The following MREG variants were observed in gnomAD, a reference collection of about 807,000 sequenced individuals.
MREG encodes dilute suppressor protein homolog.
In MREG, 31 loss-of-function variants were observed where a neutral mutation model predicts 28.5. The ratio of observed to expected loss-of-function variants is 1.09; its 90% CI spans 0.82 to 1.47. The LOEUF (loss-of-function observed/expected upper bound fraction) is 1.47. MREG is among the 40% of genes most tolerant of loss of function. The pLI, the probability that MREG is intolerant of heterozygous loss-of-function variation, is 0.00. For missense variants in MREG, 256 were observed against 257.4 expected (o/e 0.99, Z 0.04); for synonymous variants, 106 against 95.2 (o/e 1.11, Z -0.66).
intron 2 of MREG, among the ~76,000 whole-genome samples, chr2:215,971,386 A>G (rs1281495684): frequency 6.6e-6 from 1 of 152,230 alleles, no homozygotes; most frequent in African/African-American, 2.4e-5. Flanking sequence ...TCATTCTGAC[A>G]CATGTCAGCA....
chr2:215,957,559 G>A (rs1428110717), intron 2 of MREG, among the ~76,000 whole-genome samples: 1 of 152,182 alleles, frequency 6.6e-6, no homozygotes, highest in African/African-American at 2.4e-5. Flanking sequence ...GAGATTCTAA[G>A]GACTGAGGAG....
chr2:216,000,957 G>A (rs1209479475), intron 1 of MREG, among the ~76,000 whole-genome samples: 1 of 151,992 alleles, frequency 6.6e-6, no homozygotes, highest in Non-Finnish European at 1.5e-5. Flanking sequence ...TGCCTCCCTG[G>A]CCAATTCCCA....
intron 2 of MREG, among the ~76,000 whole-genome samples, chr2:215,991,581 CA>C (rs796910904): frequency 1.8e-3 from 224 of 122,496 alleles, no homozygotes; most frequent in African/African-American, 4.5e-3. Context: ...AAAAACCGTT[CA>C]AAAAAAAAAA....
At chr2:215,993,248 G>C (rs183963692) in intron 2 of MREG, among the ~76,000 whole-genome samples, 1 of 152,182 alleles carries the variant, frequency 6.6e-6, no homozygotes, top group East Asian at 1.9e-4. Flanking sequence ...ACAGAACAGA[G>C]GCCTCAGAAG....
intron 1 of MREG, 110 bp from the exon 2 acceptor site, chr2:215,996,575 A>T: frequency 1.3e-6 from 1 of 749,120 alleles, no homozygotes; most frequent in Non-Finnish European, 2.1e-6. Context: ...TGTAATATAT[A>T]AATATATTGT....
At chr2:216,017,791 T>G (rs2105928951), upstream of MREG, among the ~76,000 whole-genome samples, 2 of 152,220 alleles carry the variant, frequency 1.3e-5, no homozygotes, top group South Asian at 4.2e-4. Flanking sequence ...CTTTAAGAAT[T>G]TTTTTACGAC....
chr2:216,031,684 AAAGAAAG>A (rs1694710058), intron 1 of MREG, among the ~76,000 whole-genome samples: 1 of 46,118 alleles, frequency 2.2e-5, no homozygotes, highest in Non-Finnish European at 4.2e-5. Context: ...AGAAAGAAAG[AAAGAAAG>A]AGAAAGAAAG....
chr2:215,996,366 G>A lies in MREG; in HGVS notation c.195C>T (p.Asp65=), dbSNP rs201988343. 71 of 1,613,936 alleles carry A rather than the reference G, an allele frequency of 4.4e-5. No individual in the cohort carries two copies. In the African/African-American group the frequency reaches 6.4e-4, roughly 15 times the overall value. Reference sequence around the variant, plus strand: ...TCAAATTGTACAGGGTTCTGTCGTCGTCTGCCTCTGTGTGGGACACATCAT... The same window carrying A: ...TCAAATTGTACAGGGTTCTGTCGTCATCTGCCTCTGTGTGGGACACATCAT... The part of the protein sequence containing the change: ...MPHDVSHTEA[D]DDRTLYNLIV... The change falls in exon 2 of 5, where the codon GAC becomes GAT. Residue 65 remains aspartate, a synonymous_variant. Transcript: ENST00000263268.
chr2:216,005,790 T>C (rs1204259714), intron 1 of MREG, among the ~76,000 whole-genome samples: 2 of 151,554 alleles, frequency 1.3e-5, no homozygotes, highest in Admixed American at 1.3e-4. Flanking sequence ...TTTGTGTATG[T>C]TTTTTGTCTG....
downstream of MREG, among the ~76,000 whole-genome samples, chr2:215,941,010 C>T: frequency 6.6e-6 from 1 of 152,196 alleles, no homozygotes; most frequent in Non-Finnish European, 1.5e-5. Context: ...CAAGGTTTCA[C>T]ATCTGGTACA....
At chr2:216,031,680 AAAGAAAGAAAG>A in intron 1 of MREG, among the ~76,000 whole-genome samples, 1 of 48,056 alleles carries the variant, frequency 2.1e-5, no homozygotes, top group Non-Finnish European at 4.0e-5. Context: ...AGAAAGAAAG[AAAGAAAGAAAG>A]AGAAAGAAAG....
chr2:215,943,924 A>G lies in MREG; in HGVS notation c.*939T>C, dbSNP rs867209451. 6.7e-6 allele frequency among the ~76,000 whole-genome samples: 1 copy of G among 149,704 alleles called. No homozygotes were observed. Among genetic ancestry groups the G allele is most frequent in the Non-Finnish European group, 1.5e-5 (1 of 67,620 alleles). Reference sequence around the variant, plus strand: ...AAAGATGAGAGAACCAGATATCAATAATGTTGGGAATTTAAAATGCAAGTA... The same window carrying G: ...AAAGATGAGAGAACCAGATATCAATGATGTTGGGAATTTAAAATGCAAGTA... On this transcript the variant is annotated 3_prime_UTR_variant, in exon 5 of 5. Coordinates refer to ENST00000263268, the MANE Select transcript of MREG (RefSeq NM_018000.3).
In MREG at chr2:215,943,547, A is replaced by T; in HGVS notation, c.*1316T>A. 2 of 456,002 alleles carry T rather than the reference A, an allele frequency of 4.4e-6. No individual in the cohort carries two copies. Among genetic ancestry groups the T allele is most frequent in the Non-Finnish European group, 8.8e-6 (2 of 226,504 alleles). 28.2% of individuals were successfully genotyped at this position (456,002 alleles called of 1,614,324 possible). ...GTTTACAGATGCTATTCCAGATAAAATGCCAAGGGCTTGGCCGGGCGCGGT... is the reference window on the plus strand; with the variant it reads ...GTTTACAGATGCTATTCCAGATAAATTGCCAAGGGCTTGGCCGGGCGCGGT... On this transcript the variant is annotated 3_prime_UTR_variant, in exon 5 of 5. Coordinates refer to ENST00000263268, the MANE Select transcript of MREG (RefSeq NM_018000.3).
chr2:216,021,170 T>C (rs145210961), intron 1 of MREG, among the ~76,000 whole-genome samples: 20 of 152,270 alleles, frequency 1.3e-4, no homozygotes, highest in Non-Finnish European at 2.6e-4. Context: ...TTTTCTGAGA[T>C]GTGGTCTCAC....
At chr2:215,969,085 T>A (rs1693020013) in intron 2 of MREG, among the ~76,000 whole-genome samples, 1 of 152,212 alleles carries the variant, frequency 6.6e-6, no homozygotes, top group African/African-American at 2.4e-5. Flanking sequence ...TAATGTGTTA[T>A]TCTTCCCAGA....
chr2:216,015,689 ACAC>A (rs1361718791), upstream of MREG, among the ~76,000 whole-genome samples: 1 of 152,182 alleles, frequency 6.6e-6, no homozygotes, highest in Non-Finnish European at 1.5e-5. Context: ...ACAGTGGTTT[ACAC>A]CAGGGTGGTG....
intron 2 of MREG, among the ~76,000 whole-genome samples, chr2:215,976,574 G>A (rs983294102): frequency 2.0e-5 from 3 of 152,170 alleles, no homozygotes; most frequent in South Asian, 2.1e-4. Context: ...TGAGGACAAC[G>A]GTAGTTGGTG....
At chr2:216,023,295 CA>C (rs1486493500) in intron 1 of MREG, among the ~76,000 whole-genome samples, 1 of 152,202 alleles carries the variant, frequency 6.6e-6, no homozygotes, top group Non-Finnish European at 1.5e-5. Context: ...CTAAGGATCT[CA>C]AATAGGTTCT....
In MREG at chr2:215,966,965, CTG is replaced by C. The variant is rs528883270; in HGVS notation, c.256-19854_256-19853del. The stretch of plus-strand genomic sequence containing the variant: ...ATTTTTACACCCCCATAATCTTTAA[CTG>C]AGCCTACAGATTCTGCCTCCCTGAC... On this transcript the variant is annotated intron_variant, in intron 2 of 4. Coordinates refer to ENST00000263268, the MANE Select transcript of MREG (RefSeq NM_018000.3). 1.8e-3 allele frequency among the ~76,000 whole-genome samples: 281 copies of C among 152,294 alleles called. 3 individuals carry two copies. The highest frequency in any genetic ancestry group is 6.3e-3 in the African/African-American group (260 of 41,538).
Sources: allele counts gnomAD v4.1 joint callset (sites outside exome capture counted in the v4.1 genomes callset), GRCh38; gene constraint gnomAD v4.1.1; transcripts MANE v1.5; gene names NCBI Gene and HGNC (gene_info 2026-07-23, HGNC 2026-07-21).